Variants in ZFPM2 observed in about 807,000 individuals in gnomAD.
ZFPM2 encodes zinc finger protein ZFPM2.
In ZFPM2, 20 loss-of-function variants were observed where a neutral mutation model predicts 98.6. The ratio of observed to expected loss-of-function variants is 0.20; its 90% confidence interval spans 0.14 to 0.29. The LOEUF is 0.29. Ranked by LOEUF, ZFPM2 falls within the 10% of genes least tolerant of loss-of-function variation. The pLI is 1.00. For synonymous variants in ZFPM2, 518 were observed against 502.7 expected, an observed-to-expected ratio of 1.03 and a Z score of -0.41; for missense variants, 1,310 against 1,388.6, an observed-to-expected ratio of 0.94 and a Z score of 0.90.
intron 4 of ZFPM2, among the ~76,000 whole-genome samples, chr8:105,614,365 G>T (rs56858468): frequency 0.19 from 29,326 of 151,896 alleles, 2,934 homozygotes; most frequent in South Asian, 0.25. Flanking sequence ...CATCAGTTAT[G>T]TCTTCAAGTT....
chr8:105,390,164 T>A (rs185097648), intron 1 of ZFPM2, among the ~76,000 whole-genome samples: 1 of 152,282 alleles, frequency 6.6e-6, no homozygotes, highest in African/African-American at 2.4e-5. Flanking sequence ...CCAGTAAGAT[T>A]GTTCTTGTCA....
intron 6 of ZFPM2, among the ~76,000 whole-genome samples, chr8:105,791,807 G>T (rs983796727): frequency 6.6e-6 from 1 of 152,056 alleles, no homozygotes; most frequent in South Asian, 2.1e-4. Flanking sequence ...CTTCTTCCTG[G>T]TTTAGTCTTG....
chr8:105,378,363 A>C (rs541659494), intron 1 of ZFPM2, among the ~76,000 whole-genome samples: 2 of 152,166 alleles, frequency 1.3e-5, no homozygotes, highest in Non-Finnish European at 2.9e-5. Context: ...AAAACTTACG[A>C]TATTTCCAAC....
chr8:105,651,739 A>C (rs1371509835), intron 5 of ZFPM2, among the ~76,000 whole-genome samples: 1 of 152,132 alleles, frequency 6.6e-6, no homozygotes, highest in Non-Finnish European at 1.5e-5. Context: ...CAGCCAGCGC[A>C]CAGTATACAC....
chr8:105,791,908 T>G lies in ZFPM2; in HGVS notation c.739+2984T>G, dbSNP rs1043718443. 4.0e-4 allele frequency among the ~76,000 whole-genome samples: 61 copies of G among 152,340 alleles called. 1 individual carries two copies. Among genetic ancestry groups the G allele is most frequent in the African/African-American group, 1.4e-3 (59 of 41,572 alleles). On this transcript the variant is annotated intron_variant, in intron 6 of 7. Transcript: ENST00000407775. ...TGTTTGTAGTATTCTCTGATGGTAGTTTATATTTCTGTGGGATCGCTGGTG... is the reference window on the plus strand; with the variant it reads ...TGTTTGTAGTATTCTCTGATGGTAGGTTATATTTCTGTGGGATCGCTGGTG...
In ZFPM2 at chr8:105,364,046, A is replaced by C. The variant is rs192397109; in HGVS notation, c.40+45065A>C. The stretch of plus-strand genomic sequence containing the variant: ...GATGTGTTGTAGACTACAGCTAGGC[A>C]TAATCAGCCTCAATTCCTATATAGT... On this transcript the variant is annotated intron_variant, in intron 1 of 7. Transcript: ENST00000407775. Among the ~76,000 whole-genome samples the C allele has an allele frequency of 9.3e-3, 1,415 of 152,240 alleles. 20 individuals carry two copies. The highest frequency in any genetic ancestry group is 0.032 in the African/African-American group (1,349 of 41,544).
intron 1 of ZFPM2, among the ~76,000 whole-genome samples, chr8:105,355,780 T>TA (rs958829487): frequency 1.2e-4 from 19 of 152,192 alleles, no homozygotes; most frequent in South Asian, 4.2e-4. Flanking sequence ...GATTCCTAAA[T>TA]AAAAAAAACT....
intron 4 of ZFPM2, among the ~76,000 whole-genome samples, chr8:105,579,081 G>A (rs1401686509): frequency 6.6e-6 from 1 of 152,054 alleles, no homozygotes; most frequent in Non-Finnish European, 1.5e-5. Context: ...AGAAAAAATT[G>A]TTTCTTTAAT....
chr8:105,521,676 C>A (rs926359134), intron 3 of ZFPM2, among the ~76,000 whole-genome samples: 2 of 151,956 alleles, frequency 1.3e-5, no homozygotes, highest in Non-Finnish European at 2.9e-5. Flanking sequence ...CTCCTGGGTT[C>A]AAGCGATTCT....
chr8:105,654,878 A>G (rs1817252740), intron 5 of ZFPM2, among the ~76,000 whole-genome samples: 1 of 152,088 alleles, frequency 6.6e-6, no homozygotes, highest in Admixed American at 6.5e-5. Context: ...ATCAGAAAAT[A>G]TTTTCTTCAC....
chr8:105,494,242 A>G (rs1813417336), intron 3 of ZFPM2, among the ~76,000 whole-genome samples: 1 of 135,466 alleles, frequency 7.4e-6, no homozygotes, highest in Non-Finnish European at 1.6e-5. Context: ...CAAACTCAAC[A>G]TATCTGAAAG....
intron 3 of ZFPM2, among the ~76,000 whole-genome samples, chr8:105,531,600 G>C (rs1056854097): frequency 5.1e-4 from 77 of 152,122 alleles, no homozygotes; most frequent in African/African-American, 1.7e-3. Context: ...GAGGTATTGA[G>C]AGTTAGGATT....
At chr8:105,607,593 C>T (rs60021291) in intron 4 of ZFPM2, among the ~76,000 whole-genome samples, 1,830 of 152,128 alleles carry the variant, frequency 0.012, 29 homozygotes, top group African/African-American at 0.042. Context: ...ATGCGTTTGT[C>T]TAAAGTCACC....
chr8:105,677,017 C>G (rs982291070), intron 5 of ZFPM2, among the ~76,000 whole-genome samples: 7 of 151,948 alleles, frequency 4.6e-5, no homozygotes, highest in Non-Finnish European at 1.0e-4. Flanking sequence ...TAAAGATGGA[C>G]TAGTTTTTCA....
intron 5 of ZFPM2, among the ~76,000 whole-genome samples, chr8:105,655,954 T>TC (rs1817276976): frequency 6.6e-6 from 1 of 152,134 alleles, no homozygotes; most frequent in Non-Finnish European, 1.5e-5. Flanking sequence ...CATTTTTTTT[T>TC]CTTTCTTGCA....
At chr8:105,330,619 T>TATATATATAC (rs1812211576) in intron 1 of ZFPM2, among the ~76,000 whole-genome samples, 1 of 88,470 alleles carries the variant, frequency 1.1e-5, no homozygotes, top group Non-Finnish European at 2.3e-5. Context: ...TACACATATA[T>TATATATATAC]ATATATATAT....
chr8:105,475,182 C>T (rs1279509303), intron 3 of ZFPM2, among the ~76,000 whole-genome samples: 3 of 152,152 alleles, frequency 2.0e-5, no homozygotes, highest in African/African-American at 7.2e-5. Flanking sequence ...AACCCTGTCA[C>T]TTCTACTAAG....
intron 5 of ZFPM2, among the ~76,000 whole-genome samples, chr8:105,719,803 A>G (rs1382376669): frequency 6.6e-6 from 1 of 151,962 alleles, no homozygotes; most frequent in Non-Finnish European, 1.5e-5. Context: ...ACAGGAGTGA[A>G]CAATATAATT....
intron 5 of ZFPM2, among the ~76,000 whole-genome samples, chr8:105,636,184 T>C (rs1422235570): frequency 1.4e-4 from 21 of 152,188 alleles, no homozygotes; most frequent in Non-Finnish European, 3.1e-4. Context: ...TGAAAGATTT[T>C]GGATTTTCTG....
Sources: allele counts gnomAD v4.1 joint callset (sites outside exome capture counted in the v4.1 genomes callset), GRCh38; gene constraint gnomAD v4.1.1; transcripts MANE v1.5; gene names NCBI Gene and HGNC (gene_info 2026-07-23, HGNC 2026-07-21).